TUB: variants seen among roughly 807,000 people sequenced by gnomAD.
TUB encodes TUB bipartite transcription factor.
In TUB, 33 loss-of-function variants were observed where a neutral mutation model predicts 59.7. The observed-to-expected ratio is 0.55, with a 90% confidence interval of 0.42 to 0.74. The LOEUF is 0.74. TUB is among the 30% of genes least tolerant of loss of function. The probability of loss-of-function intolerance (pLI) is 0.00; values close to 1 mark genes in which losing one functional copy is unlikely to be tolerated. For missense variants in TUB, 659 were observed against 672.0 expected (o/e 0.98, Z 0.21); for synonymous variants, 293 against 256.4 (o/e 1.14, Z -1.36).
intron 1 of TUB, among the ~76,000 whole-genome samples, chr11:8,030,647 G>C (rs551554470): frequency 1.3e-5 from 2 of 152,306 alleles, no homozygotes; most frequent in Admixed American, 6.5e-5. Flanking sequence ...GGGAGAGGCA[G>C]ATTTCTGCAG....
Position 8,104,413 on chromosome 11 carries a change from T to C in TUB, c.*2794T>C, listed in dbSNP as rs1275468396. ...CTTTCCTTCTGGCTCCAAGGTGCTCTGTGTCCGTCTGTGTATGTGTGTGTC... is the reference window on the plus strand; with the variant it reads ...CTTTCCTTCTGGCTCCAAGGTGCTCCGTGTCCGTCTGTGTATGTGTGTGTC... On this transcript the variant is annotated 3_prime_UTR_variant, in exon 12 of 12. Transcript: ENST00000299506. 6.6e-6 allele frequency: 1 copy of C among 152,328 alleles called. No homozygotes were observed. The highest frequency in any genetic ancestry group is 1.5e-5 in the Non-Finnish European group (1 of 68,094). The allele number at this position is 152,328 out of a possible 1,614,324, so 9.4% of individuals were successfully genotyped here. A position where few individuals can be genotyped will look rare whatever the true frequency, so the allele number is the denominator to read the frequency against.
At position 8,038,921 on chromosome 11, in the gene TUB, CGAGACAGG is replaced by C. The variant is rs752465674; in HGVS notation, c.51_58del (p.Glu17AspfsTer53). The C allele has an allele frequency of 5.0e-5, 80 of 1,614,034 alleles. No individual in the cohort carries two copies. In the East Asian group the frequency reaches 1.6e-3, roughly 32 times the overall value. ...CTTCTTTCTGGGTTTCTTTCTTTGC[CGAGACAGG>C]GATTTTGTTCCCAGGAGGCACTCCC... On this transcript the variant is annotated frameshift_variant, in exon 1 of 13. Coordinates refer to the TUB transcript ENST00000305253. LOFTEE classifies it high-confidence loss of function.
At chr11:8,072,209 CT>C (rs1023816527) in intron 2 of TUB, among the ~76,000 whole-genome samples, 35 of 152,320 alleles carry the variant, frequency 2.3e-4, no homozygotes, top group African/African-American at 8.2e-4. Flanking sequence ...CCCACCACCC[CT>C]GGGCGTGATC....
Position 8,098,789 on chromosome 11 carries a change from T to A in TUB, c.1030T>A (p.Tyr344Asn). 1 of 1,614,156 alleles carries A rather than the reference T, an allele frequency of 6.2e-7. No individual in the cohort carries two copies. Among genetic ancestry groups the A allele is most frequent in the Non-Finnish European group, 8.5e-7 (1 of 1,180,018 alleles). ...CTTGATGGGCACCAAGTTCACTGTT[T>A]ATGACAATGGAGTCAACCCTCAGAA... ...SNLMGTKFTV[Y>N]DNGVNPQKAS... The change falls in exon 9 of 12, where the codon TAT becomes AAT. Residue 344 changes from tyrosine (Y) to asparagine (N), a missense_variant. By Grantham distance (143) the Tyr-to-Asn change is moderately radical. Around this residue, in one of 3 missense-constraint regions of TUB, gnomAD observed 112 missense variants for 156.9 expected, o/e 0.71. Transcript: ENST00000299506.
rs369363661 is a variant in TUB, at chr11:8,096,760, A to G, written c.641A>G (p.Asn214Ser). Reference protein sequence around the residue: ...EENSSSSSQLNSNTRPSSATS... With the variant: ...EENSSSSSQLSSNTRPSSATS... ...AATAGCTCCAGCTCCTCCCAGCTAA[A>G]TAGTAACACCCGCCCCAGCTCTGCT... The change falls in exon 6 of 12, where the codon AAT (asparagine) becomes AGT (serine). Residue 214 changes from asparagine (N) to serine (S), a missense_variant. Physicochemically the swap from Asn to Ser is conservative, Grantham distance 46. Around this residue, in one of 3 missense-constraint regions of TUB, gnomAD observed 321 missense variants for 304.3 expected, o/e 1.05. Coordinates refer to ENST00000299506, the MANE Select transcript of TUB (RefSeq NM_177972.3). The G allele has an allele frequency of 3.3e-5, 53 of 1,613,996 alleles. No homozygotes were observed. The highest frequency in any genetic ancestry group is 1.6e-4 in the Middle Eastern group (1 of 6,082).
chr11:8,043,057 T>C (rs1313060117), intron 2 of TUB, among the ~76,000 whole-genome samples: 1 of 152,226 alleles, frequency 6.6e-6, no homozygotes, highest in Non-Finnish European at 1.5e-5. Context: ...AAGAGCTTTA[T>C]AGTTTTGGCT....
At chr11:8,085,276 G>T (rs896634655) in intron 1 of TUB, among the ~76,000 whole-genome samples, 1 of 152,248 alleles carries the variant, frequency 6.6e-6, no homozygotes, top group Non-Finnish European at 1.5e-5. Context: ...AGAGAGAGAG[G>T]AGTGGGTTGA....
At chr11:8,046,224 C>T (rs907620734) in intron 2 of TUB, among the ~76,000 whole-genome samples, 2 of 152,180 alleles carry the variant, frequency 1.3e-5, no homozygotes, top group Admixed American at 1.3e-4. Context: ...GGATCATTGC[C>T]TTGCACCACC....
In TUB at chr11:8,096,796, A is replaced by G. The variant is rs769810050; in HGVS notation, c.677A>G (p.Lys226Arg). 9 of 1,614,144 alleles carry G rather than the reference A, an allele frequency of 5.6e-6. No homozygotes were observed. The African/African-American group carries it at 6.7e-5, about 12-fold the overall frequency. ...NTRPSSATSR[K>R]SVREAASAPS... ...CGCCCCAGCTCTGCTACTAGCAGGAAGTCCGTCAGGGTGAGTGAGTGAGTC... is the reference window on the plus strand; with the variant it reads ...CGCCCCAGCTCTGCTACTAGCAGGAGGTCCGTCAGGGTGAGTGAGTGAGTC... Residue 226 changes from lysine to arginine, a missense_variant, in exon 6 of 12, where the codon AAG becomes AGG. By Grantham distance (26) the Lys-to-Arg change is conservative. This residue lies in a region of TUB where 321 missense variants were observed against 304.3 expected (regional missense o/e 1.05). Transcript: ENST00000299506.
upstream of TUB, among the ~76,000 whole-genome samples, chr11:8,036,503 C>T (rs1000912333): frequency 3.3e-5 from 5 of 152,164 alleles, no homozygotes; most frequent in African/African-American, 7.2e-5. Flanking sequence ...GCACTGTGAC[C>T]GACTGAAGAG....
intron 2 of TUB, among the ~76,000 whole-genome samples, chr11:8,054,496 A>G (rs1942985966): frequency 6.6e-6 from 1 of 151,974 alleles, no homozygotes; most frequent in African/African-American, 2.4e-5. Flanking sequence ...GGGAGTAGGG[A>G]ACAGTTGTGG....
chr11:8,095,841 C>T (rs2133865709), intron 5 of TUB, among the ~76,000 whole-genome samples, 176 bp downstream of exon 5: 1 of 152,344 alleles, frequency 6.6e-6, no homozygotes, highest in South Asian at 2.1e-4. Flanking sequence ...CCTGCTAAGG[C>T]CCCAGGGAGG....
upstream of TUB, among the ~76,000 whole-genome samples, chr11:8,035,282 CT>C (rs1942630682): frequency 6.6e-6 from 1 of 152,250 alleles, no homozygotes; most frequent in Non-Finnish European, 1.5e-5. Flanking sequence ...TTGCCTTACC[CT>C]AACTCCAGTC....
Position 8,051,564 on chromosome 11 carries a change from T to C in TUB, c.203+11872T>C, listed in dbSNP as rs542729579. ...AAAGTTCTTTGATACATTCATATTA[T>C]CACATTTCTTTCCAGAAAGGCTATC... On this transcript the variant is annotated intron_variant, in intron 2 of 12. Coordinates refer to the TUB transcript ENST00000305253. Among the ~76,000 whole-genome samples, 19 of 152,342 alleles carry C rather than the reference T, an allele frequency of 1.2e-4. No homozygotes were observed. The East Asian group carries it at 1.3e-3, about 11-fold the overall frequency.
intron 2 of TUB, among the ~76,000 whole-genome samples, chr11:8,040,192 T>A (rs1942724102): frequency 6.6e-6 from 1 of 152,090 alleles, no homozygotes; most frequent in African/African-American, 2.4e-5. Context: ...CATCAGGAGG[T>A]GGGTCTTGCC....
intron 1 of TUB, among the ~76,000 whole-genome samples, chr11:8,028,159 G>A (rs1038747286): frequency 6.6e-6 from 1 of 152,108 alleles, no homozygotes; most frequent in South Asian, 2.1e-4. Flanking sequence ...GTATAGTCTA[G>A]GAAGTGGTAT....
intron 2 of TUB, among the ~76,000 whole-genome samples, chr11:8,061,682 A>G (rs1943130733): frequency 6.6e-6 from 1 of 151,826 alleles, no homozygotes. Flanking sequence ...GGACCCTCCT[A>G]TTGCCTGGAA....
At chr11:8,097,866 G>A in intron 8 of TUB, 40 bp downstream of exon 8, 2 of 1,515,872 alleles carry the variant, frequency 1.3e-6, no homozygotes, top group Non-Finnish European at 1.8e-6. Flanking sequence ...GAGTGGGAGG[G>A]AGGGGCAGGG....
chr11:8,091,259 G>A (rs756889436), intron 3 of TUB, among the ~76,000 whole-genome samples: 2 of 152,170 alleles, frequency 1.3e-5, no homozygotes, highest in Non-Finnish European at 2.9e-5. Flanking sequence ...CACATTGGAG[G>A]GCAGCAGGTG....
Sources: allele counts gnomAD v4.1 joint callset (sites outside exome capture counted in the v4.1 genomes callset), GRCh38; gene constraint gnomAD v4.1.1; regional missense constraint gnomAD v4.1.1; transcripts MANE v1.5; gene names NCBI Gene and HGNC (gene_info 2026-07-23, HGNC 2026-07-21).